RNF130: variants seen among roughly 807,000 people sequenced by gnomAD.
The protein encoded by RNF130 is E3 ubiquitin-protein ligase RNF130.
In RNF130, 21 loss-of-function variants were observed where a neutral mutation model predicts 44.6. The observed-to-expected ratio is 0.47, with a 90% confidence interval of 0.33 to 0.68. The LOEUF (loss-of-function observed/expected upper bound fraction) is 0.68, where lower values mean the gene tolerates loss of function less well. RNF130 is among the 30% of genes least tolerant of loss of function. RNF130 has a pLI of 0.02. For synonymous variants in RNF130, 214 were observed against 210.4 expected, an observed-to-expected ratio of 1.02 and a Z score of -0.15; for missense variants, 479 against 560.6, an observed-to-expected ratio of 0.85 and a Z score of 1.47.
In RNF130 at chr5:180,063,315, C is replaced by A. The variant is rs998092785; in HGVS notation, c.247+8141G>T. 5.9e-5 allele frequency among the ~76,000 whole-genome samples: 9 copies of A among 152,178 alleles called. No homozygotes were observed. The East Asian group carries it at 1.7e-3, about 29-fold the overall frequency. On this transcript the variant is annotated intron_variant, in intron 1 of 8. Transcript: ENST00000521389. ...ATGTCAAACAACAGATACGTACGAT[C>A]CATTCTAGAGGTAAATCATGAAGGA... is the stretch of plus-strand genomic sequence containing the variant.
intron 7 of RNF130, among the ~76,000 whole-genome samples, chr5:179,932,452 G>C (rs1761822392): frequency 6.6e-6 from 1 of 151,814 alleles, no homozygotes; most frequent in Non-Finnish European, 1.5e-5. Context: ...TAGAGACGGG[G>C]TTTCACCATA....
Position 180,014,199 on chromosome 5 carries a change from T to C in RNF130, c.443-888A>G, listed in dbSNP as rs78725605. Among the ~76,000 whole-genome samples the C allele has an allele frequency of 2.0e-3, 302 of 152,346 alleles. 4 individuals carry two copies. The East Asian group carries it at 0.045, about 23-fold the overall frequency. On this transcript the variant is annotated intron_variant, in intron 2 of 8. Transcript: ENST00000521389. ...TAGTTACCTAGACCTTTCCCCTACATAATTTCCAGAAGTAGTAACAGTGAA... is the reference window on the plus strand; with the variant it reads ...TAGTTACCTAGACCTTTCCCCTACACAATTTCCAGAAGTAGTAACAGTGAA...
chr5:179,969,488 C>G (rs891271703), intron 6 of RNF130, among the ~76,000 whole-genome samples: 49 of 152,126 alleles, frequency 3.2e-4, no homozygotes, highest in African/African-American at 1.2e-3. Context: ...AGCCTACCTT[C>G]TAAAGGTAGG....
intron 3 of RNF130, among the ~76,000 whole-genome samples, chr5:180,004,592 A>AC (rs1763422094): frequency 6.6e-6 from 1 of 152,234 alleles, no homozygotes; most frequent in East Asian, 1.9e-4. Context: ...CAAAGCTGCA[A>AC]CAATAAACAC....
At chr5:179,922,887 C>T (rs1761654583) in intron 7 of RNF130, among the ~76,000 whole-genome samples, 1 of 150,322 alleles carries the variant, frequency 6.7e-6, no homozygotes, top group Admixed American at 6.7e-5. Context: ...TGAGCCGAGA[C>T]TACACTACTG....
chr5:179,978,175 CT>C (rs1561678024), intron 5 of RNF130, 27 bp downstream of exon 5: 1 of 1,572,184 alleles, frequency 6.4e-7, no homozygotes. Flanking sequence ...TAATATCATT[CT>C]TTCTCAAACA....
chr5:180,068,159 C>T (rs1561715676), intron 1 of RNF130, among the ~76,000 whole-genome samples: 1 of 152,222 alleles, frequency 6.6e-6, no homozygotes, highest in African/African-American at 2.4e-5. Context: ...ACAGGGCTTT[C>T]TCCTCTCCCA....
At chr5:179,952,779 G>C (rs747627055), downstream of RNF130, among the ~76,000 whole-genome samples, 12 of 152,100 alleles carry the variant, frequency 7.9e-5, no homozygotes, top group Non-Finnish European at 1.5e-4. Flanking sequence ...GCTTCCGACA[G>C]AATCAAAAAC....
chr5:179,994,147 A>G (rs1258908849), intron 3 of RNF130, among the ~76,000 whole-genome samples: 2 of 152,216 alleles, frequency 1.3e-5, no homozygotes, highest in African/African-American at 4.8e-5. Context: ...TATAGTTTGA[A>G]GTCAGGTAGC....
At chr5:179,969,950 C>T (rs552979854) in intron 6 of RNF130, among the ~76,000 whole-genome samples, 2 of 152,152 alleles carry the variant, frequency 1.3e-5, no homozygotes, top group African/African-American at 4.8e-5. Context: ...AAGATCGTGC[C>T]ATTGTACTCC....
rs773968771 is a variant in RNF130, at chr5:179,966,981, T to G, written c.975A>C (p.Ala325=). The G allele has an allele frequency of 6.2e-7, 1 of 1,614,196 alleles. No individual in the cohort carries two copies. ...TTCTGGTGAGCCTTTCCATATCGAA[T>G]GCTACGTTATCAGTACATGGCAAAT... ...VPNLPCTDNV[A]FDMERLTRTQ... The change falls in exon 7 of 9, where the codon GCA becomes GCC. Residue 325 remains alanine (A), a synonymous_variant. Coordinates refer to ENST00000521389, the MANE Select transcript of RNF130 (RefSeq NM_018434.6).
At chr5:180,067,490 G>T (rs1765135314) in intron 1 of RNF130, among the ~76,000 whole-genome samples, 1 of 151,998 alleles carries the variant, frequency 6.6e-6, no homozygotes, top group Admixed American at 6.6e-5. Context: ...GAAATGGGGT[G>T]GTAGCAGGAC....
Position 179,998,330 on chromosome 5 carries a change from A to T in RNF130, c.693+14731T>A, listed in dbSNP as rs536427491. Among the ~76,000 whole-genome samples the T allele has an allele frequency of 5.9e-5, 9 of 152,212 alleles. No homozygotes were observed. The South Asian group carries it at 1.7e-3, about 28-fold the overall frequency. On this transcript the variant is annotated intron_variant, in intron 3 of 8. Transcript: ENST00000521389. ...AGTCTCCTTCCTAATTTACTCATTG[A>T]CCCACTGGTTGTTTAGGAGCACGTT...
At chr5:180,018,410 A>G (rs1763792226) in intron 2 of RNF130, among the ~76,000 whole-genome samples, 1 of 152,198 alleles carries the variant, frequency 6.6e-6, no homozygotes, top group Non-Finnish European at 1.5e-5. Context: ...GCACCTCTTC[A>G]CAGGGCAGCA....
intron 1 of RNF130, among the ~76,000 whole-genome samples, chr5:180,042,967 T>C (rs1368120773): frequency 6.6e-6 from 1 of 152,232 alleles, no homozygotes; most frequent in Non-Finnish European, 1.5e-5. Flanking sequence ...TTTGTACTTA[T>C]TTATAAAGAT....
intron 2 of RNF130, among the ~76,000 whole-genome samples, chr5:180,022,266 A>C (rs1485514913): frequency 2.0e-5 from 3 of 152,222 alleles, no homozygotes; most frequent in African/African-American, 7.2e-5. Context: ...CTTTGAGGCT[A>C]GGTAAATATT....
exon 8 of RNF130, chr5:179,912,029 C>A (rs1244048614): frequency 6.6e-6 from 1 of 152,168 alleles, no homozygotes; most frequent in Non-Finnish European, 1.5e-5. Flanking sequence ...CTTTTCATCC[C>A]TCAAGGTGGA....
chr5:179,935,575 C>T (rs1448094007), intron 7 of RNF130, among the ~76,000 whole-genome samples: 1 of 151,724 alleles, frequency 6.6e-6, no homozygotes, highest in Non-Finnish European at 1.5e-5. Flanking sequence ...TTATCCATTT[C>T]TATTCATTAC....
intron 1 of RNF130, among the ~76,000 whole-genome samples, chr5:180,045,553 G>A (rs142751135): frequency 1.1e-4 from 17 of 152,228 alleles, no homozygotes; most frequent in African/African-American, 3.4e-4. Context: ...CTGCTGGCTC[G>A]GGCAGCCTGC....
Sources: allele counts gnomAD v4.1 joint callset (sites outside exome capture counted in the v4.1 genomes callset), GRCh38; gene constraint gnomAD v4.1.1; transcripts MANE v1.5; gene names NCBI Gene and HGNC (gene_info 2026-07-23, HGNC 2026-07-21).